CDKAL1: variants seen among roughly 807,000 people sequenced by gnomAD.
CDKAL1 encodes threonylcarbamoyladenosine tRNA methylthiotransferase.
A neutral mutation model predicts 68.2 loss-of-function variants in CDKAL1; 32 were observed. That is an observed-to-expected ratio of 0.47 (90% CI 0.35 to 0.63). The LOEUF (loss-of-function observed/expected upper bound fraction) is 0.63. Among genes scored for constraint, CDKAL1 ranks in the 30% least tolerant of loss-of-function variants. The probability of loss-of-function intolerance (pLI) is 0.00; values close to 1 mark genes in which losing one functional copy is unlikely to be tolerated. For synonymous variants in CDKAL1, 234 were observed against 244.3 expected (o/e 0.96, Z 0.39); for missense variants, 606 against 696.7 (o/e 0.87, Z 1.47).
intron 11 of CDKAL1, among the ~76,000 whole-genome samples, chr6:21,039,581 C>T (rs6918751): frequency 0.021 from 3,173 of 152,256 alleles, 109 homozygotes; most frequent in African/African-American, 0.07. Context: ...AGAACATTTA[C>T]AGGTCAGTAC....
intron 4 of CDKAL1, among the ~76,000 whole-genome samples, chr6:20,604,464 A>T (rs1394694949): frequency 6.6e-6 from 1 of 152,206 alleles, no homozygotes; most frequent in Admixed American, 6.5e-5. Context: ...CTAGTAGCAT[A>T]TTCTGCATAT....
intron 11 of CDKAL1, among the ~76,000 whole-genome samples, chr6:21,018,031 C>T (rs980205951): frequency 6.6e-6 from 1 of 152,154 alleles, no homozygotes; most frequent in African/African-American, 2.4e-5. Flanking sequence ...CTATCAACCT[C>T]TATGCTTGAG....
rs143844803 is a variant in CDKAL1, at chr6:21,159,657, G to A, written c.1300-38364G>A. On this transcript the variant is annotated intron_variant, in intron 13 of 15. Coordinates refer to ENST00000274695, the MANE Select transcript of CDKAL1 (RefSeq NM_017774.3). ...GACAGTCAGATCTGTACTAAGTTTT[G>A]TGTTGTGAAAGTATGTCCTCAGTTG... is the stretch of plus-strand genomic sequence containing the variant. Among the ~76,000 whole-genome samples, 160 of 152,304 alleles carry A rather than the reference G, an allele frequency of 1.1e-3. 1 individual carries two copies. The highest frequency in any genetic ancestry group is 3.6e-3 in the African/African-American group (151 of 41,576).
At chr6:20,735,772 A>G (rs1370375357) in intron 5 of CDKAL1, among the ~76,000 whole-genome samples, 1 of 152,222 alleles carries the variant, frequency 6.6e-6, no homozygotes, top group Non-Finnish European at 1.5e-5. Flanking sequence ...GACTAATTAC[A>G]TAATGGCTAT....
chr6:20,753,957 A>ATGTGTGTGTG (rs112105313), intron 6 of CDKAL1, among the ~76,000 whole-genome samples: 7,014 of 147,716 alleles, frequency 0.047, 219 homozygotes, highest in East Asian at 0.18. Flanking sequence ...TATTATCTGT[A>ATGTGTGTGTG]TGTGTGTGTG....
intron 4 of CDKAL1, among the ~76,000 whole-genome samples, chr6:20,624,822 T>C (rs1233958462): frequency 6.6e-6 from 1 of 152,072 alleles, no homozygotes; most frequent in Non-Finnish European, 1.5e-5. Flanking sequence ...AATTTTTGTT[T>C]GTTTGAGTTT....
At chr6:20,675,823 C>G (rs1264571689) in intron 5 of CDKAL1, among the ~76,000 whole-genome samples, 1 of 152,050 alleles carries the variant, frequency 6.6e-6, no homozygotes, top group Non-Finnish European at 1.5e-5. Flanking sequence ...AAAACAGCCT[C>G]AGGCAGGTAC....
At chr6:21,077,667 C>T (rs1057477046) in intron 12 of CDKAL1, among the ~76,000 whole-genome samples, 2 of 152,166 alleles carry the variant, frequency 1.3e-5, no homozygotes, top group Admixed American at 6.5e-5. Flanking sequence ...TGTGAGAACT[C>T]GCTCGCTATC....
chr6:20,763,623 G>A (rs115626016), intron 7 of CDKAL1, among the ~76,000 whole-genome samples: 2,056 of 152,064 alleles, frequency 0.014, 38 homozygotes, highest in African/African-American at 0.047. Context: ...TCTTTGAAGG[G>A]GCTTTAGACA....
chr6:20,670,819 A>G (rs1421210934), intron 5 of CDKAL1, among the ~76,000 whole-genome samples: 1 of 152,154 alleles, frequency 6.6e-6, no homozygotes, highest in Non-Finnish European at 1.5e-5. Context: ...ACTTTTTGTA[A>G]TGTAACCTGG....
At chr6:20,781,065 T>C (rs557951058) in intron 7 of CDKAL1, 80 bp from the exon 8 acceptor site, 127 of 1,383,780 alleles carry the variant, frequency 9.2e-5, no homozygotes, top group Non-Finnish European at 1.1e-4. Context: ...AGAAGTTAAA[T>C]GAACACATTT....
At chr6:20,751,899 A>G (rs572036702) in intron 6 of CDKAL1, among the ~76,000 whole-genome samples, 15 of 152,290 alleles carry the variant, frequency 9.8e-5, no homozygotes, top group African/African-American at 3.6e-4. Context: ...TCAGAGCCTC[A>G]ATTTATATAT....
At chr6:20,963,779 A>G (rs1392979610) in intron 10 of CDKAL1, among the ~76,000 whole-genome samples, 2 of 152,214 alleles carry the variant, frequency 1.3e-5, no homozygotes, top group Non-Finnish European at 2.9e-5. Flanking sequence ...ATTTATACAG[A>G]GACCTATCTT....
At chr6:20,627,288 T>G (rs1767475242) in intron 4 of CDKAL1, among the ~76,000 whole-genome samples, 1 of 152,128 alleles carries the variant, frequency 6.6e-6, no homozygotes, top group Admixed American at 6.6e-5. Flanking sequence ...ATGAGATAAC[T>G]CAAATAAATC....
At chr6:20,660,731 T>C (rs1311467067) in intron 5 of CDKAL1, among the ~76,000 whole-genome samples, 2 of 152,208 alleles carry the variant, frequency 1.3e-5, no homozygotes, top group African/African-American at 4.8e-5. Context: ...CAATTATAAT[T>C]ACTCAATACA....
chr6:20,553,727 C>T (rs773406598), intron 4 of CDKAL1, among the ~76,000 whole-genome samples: 2 of 152,218 alleles, frequency 1.3e-5, no homozygotes, highest in African/African-American at 2.4e-5. Context: ...TCTCCTGCCT[C>T]GGCCTCCGGA....
In CDKAL1 at chr6:20,742,803, A is replaced by G. The variant is rs536535400; in HGVS notation, c.468+3188A>G. ...TACCAGCATTACATATTATTAAAGT[A>G]TAAGATTATTATTTGTTAATATCAT... is the stretch of plus-strand genomic sequence containing the variant. On this transcript the variant is annotated intron_variant, in intron 6 of 15. Coordinates refer to ENST00000274695, the MANE Select transcript of CDKAL1 (RefSeq NM_017774.3). Among the ~76,000 whole-genome samples the G allele has an allele frequency of 3.9e-5, 6 of 152,204 alleles. No homozygotes were observed. In the South Asian group the frequency reaches 8.3e-4, roughly 21 times the overall value.
intron 5 of CDKAL1, among the ~76,000 whole-genome samples, chr6:20,673,295 T>G (rs762791476): frequency 6.6e-6 from 1 of 152,180 alleles, no homozygotes; most frequent in Non-Finnish European, 1.5e-5. Flanking sequence ...TACCAAGATC[T>G]GCCATTGCTC....
intron 13 of CDKAL1, among the ~76,000 whole-genome samples, chr6:21,131,604 A>G (rs913773350): frequency 6.6e-6 from 1 of 152,190 alleles, no homozygotes; most frequent in African/African-American, 2.4e-5. Flanking sequence ...TGAAACAGAC[A>G]TGTTTCATGA....
Sources: gnomAD v4.1 joint callset for allele counts (sites outside exome capture counted in the v4.1 genomes callset) on GRCh38, gnomAD v4.1.1 for gene constraint, MANE v1.5 for transcripts, NCBI Gene and HGNC (gene_info 2026-07-23, HGNC 2026-07-21) for gene names.